The following DIP2C variants were observed in gnomAD, a reference collection of about 807,000 sequenced individuals.
The protein encoded by DIP2C is DIP2 acetate--CoA ligase C (putative), also known as disco-interacting protein 2 homolog C.
Under a neutral mutation model 192.4 loss-of-function variants are expected in DIP2C, and 33 were observed. The observed-to-expected ratio is 0.17, with a 90% CI of 0.13 to 0.23. The LOEUF (loss-of-function observed/expected upper bound fraction) is 0.23, where lower values mean the gene tolerates loss of function less well. DIP2C is among the 10% of genes least tolerant of loss of function. DIP2C has a pLI of 1.00. For synonymous variants in DIP2C, 979 were observed against 864.1 expected (o/e 1.13, Z -2.33); for missense variants, 1,537 against 2,110.1 (o/e 0.73, Z 5.32).
At chr10:577,808 CTT>C (rs1324235709) in intron 1 of DIP2C, among the ~76,000 whole-genome samples, 1 of 148,480 alleles carries the variant, frequency 6.7e-6, no homozygotes, top group Non-Finnish European at 1.5e-5. Flanking sequence ...TGTTTTGTTT[CTT>C]TTGTTTTTTT....
intron 34 of DIP2C, among the ~76,000 whole-genome samples, chr10:285,537 C>T (rs1041566145): frequency 2.0e-5 from 3 of 152,234 alleles, no homozygotes; most frequent in African/African-American, 7.2e-5. Context: ...ACATGCTCTT[C>T]TCCAGTGCCC....
chr10:555,125 A>G (rs1001670711), intron 1 of DIP2C, among the ~76,000 whole-genome samples: 2 of 152,180 alleles, frequency 1.3e-5, no homozygotes, highest in Non-Finnish European at 2.9e-5. Flanking sequence ...ATGCCTATAA[A>G]ATGTAAACCA....
At chr10:620,809 C>G (rs1853805721) in intron 1 of DIP2C, among the ~76,000 whole-genome samples, 1 of 152,194 alleles carries the variant, frequency 6.6e-6, no homozygotes, top group Non-Finnish European at 1.5e-5. Flanking sequence ...GCAAGTGGAG[C>G]AGAACGCTTC....
intron 32 of DIP2C, among the ~76,000 whole-genome samples, chr10:302,493 C>T (rs1320280698): frequency 1.3e-5 from 2 of 152,138 alleles, no homozygotes; most frequent in African/African-American, 4.8e-5. Flanking sequence ...GGACAGTCAC[C>T]TGAGGATCAT....
chr10:472,477 C>T lies in DIP2C; in HGVS notation c.230G>A (p.Arg77Gln), dbSNP rs746715099. Residue 77 changes from arginine to glutamine, a missense_variant, in exon 3 of 37, where the codon CGA becomes CAA. Transcript: ENST00000280886. ...CTCATCTCGTGACCCTGAAGACCGT[C>T]GGCGGTGGTAGCGAGAGGCGGAGGA... ...TPSSASRYHR[R>Q]RSSGSRDERY... The T allele has an allele frequency of 1.7e-5, 28 of 1,614,076 alleles. No individual in the cohort carries two copies. The highest frequency in any genetic ancestry group is 2.1e-5 in the Non-Finnish European group (25 of 1,180,046).
chr10:627,875 C>T (rs1026168550), intron 1 of DIP2C, among the ~76,000 whole-genome samples: 16 of 152,230 alleles, frequency 1.1e-4, no homozygotes, highest in African/African-American at 3.6e-4. Context: ...CAGACCACGC[C>T]CTCATTACGG....
intron 1 of DIP2C, among the ~76,000 whole-genome samples, chr10:683,294 C>G (rs771290755): frequency 6.6e-6 from 1 of 152,228 alleles, no homozygotes; most frequent in Non-Finnish European, 1.5e-5. Context: ...TCCGCAGCCA[C>G]CGCTGTCTTT....
intron 4 of DIP2C, among the ~76,000 whole-genome samples, chr10:427,288 C>T (rs1966655158): frequency 6.6e-6 from 1 of 152,168 alleles, no homozygotes; most frequent in Non-Finnish European, 1.5e-5. Flanking sequence ...TTCCTTTTCT[C>T]TTGTAAGGAC....
intron 2 of DIP2C, chr10:484,887 TCTC>T (rs1564774330): frequency 2.6e-5 from 42 of 1,611,920 alleles, no homozygotes; most frequent in Non-Finnish European, 3.6e-5. Flanking sequence ...AGCGGAATGT[TCTC>T]CTCGGCGCTC....
chr10:471,013 C>T (rs1970584901), intron 3 of DIP2C, among the ~76,000 whole-genome samples: 1 of 152,136 alleles, frequency 6.6e-6, no homozygotes, highest in African/African-American at 2.4e-5. Flanking sequence ...CCTCCACACT[C>T]CTGAACTCGA....
At chr10:469,930 C>A (rs2050970) in intron 3 of DIP2C, among the ~76,000 whole-genome samples, 2 of 152,050 alleles carry the variant, frequency 1.3e-5, no homozygotes, top group South Asian at 4.1e-4. Context: ...GCTTGGCCTA[C>A]ACGAATGAAC....
At position 481,054 on chromosome 10, in the gene DIP2C, G is replaced by A. The variant is rs533471528; in HGVS notation, c.157+5405C>T. Among the ~76,000 whole-genome samples, 95 of 152,094 alleles carry A rather than the reference G, an allele frequency of 6.2e-4. 1 individual carries two copies. In the South Asian group the frequency reaches 0.015, roughly 24 times the overall value. The stretch of plus-strand genomic sequence containing the variant: ...GACCCTCCAGCCCAGGTGAGGAGGC[G>A]GTCCCTCCCCAGCACGTCTAGGAAG... On this transcript the variant is annotated intron_variant, in intron 2 of 36. Transcript: ENST00000280886.
chr10:460,758 T>C (rs925656264), intron 3 of DIP2C, among the ~76,000 whole-genome samples: 18 of 152,040 alleles, frequency 1.2e-4, no homozygotes, highest in African/African-American at 4.3e-4. Context: ...AATTGTCAGA[T>C]TCACCAAGAT....
At chr10:542,891 G>A (rs1329860750) in intron 1 of DIP2C, among the ~76,000 whole-genome samples, 1 of 152,002 alleles carries the variant, frequency 6.6e-6, no homozygotes, top group Non-Finnish European at 1.5e-5. Context: ...ATTGGGGAGT[G>A]GGGGGTTCTG....
intron 1 of DIP2C, among the ~76,000 whole-genome samples, chr10:628,227 A>G (rs1220504981): frequency 6.6e-6 from 1 of 152,228 alleles, no homozygotes; most frequent in Non-Finnish European, 1.5e-5. Flanking sequence ...GGCTGAGATA[A>G]CGTCCAAAAT....
intron 3 of DIP2C, among the ~76,000 whole-genome samples, chr10:470,246 G>C (rs180675271): frequency 3.0e-4 from 46 of 152,308 alleles, no homozygotes; most frequent in Admixed American, 1.1e-3. Context: ...AGTCAGGATG[G>C]GGAACGGGAG....
At chr10:639,423 ACACATGGGGACGCG>A in intron 1 of DIP2C, among the ~76,000 whole-genome samples, 1 of 143,010 alleles carries the variant, frequency 7.0e-6, no homozygotes, top group Non-Finnish European at 1.5e-5. Context: ...CTCACGGTCC[ACACATGGGGACGCG>A]TCAGGTTGGG....
intron 1 of DIP2C, among the ~76,000 whole-genome samples, chr10:516,067 CACG>C (rs1181434083): frequency 6.6e-5 from 10 of 151,314 alleles, no homozygotes; most frequent in African/African-American, 2.2e-4. Flanking sequence ...TTTCCACTTC[CACG>C]ACGAGAGGAA....
chr10:542,241 C>T (rs1477030171), intron 1 of DIP2C, among the ~76,000 whole-genome samples: 1 of 152,220 alleles, frequency 6.6e-6, no homozygotes, highest in Non-Finnish European at 1.5e-5. Flanking sequence ...CTGGGCGATG[C>T]CAGGTGACGG....
Sources: allele counts gnomAD v4.1 joint callset (sites outside exome capture counted in the v4.1 genomes callset), GRCh38; gene constraint gnomAD v4.1.1; transcripts MANE v1.5; gene names NCBI Gene and HGNC (gene_info 2026-07-23, HGNC 2026-07-21).